The following EYA1 variants were observed in gnomAD, a reference collection of about 807,000 sequenced individuals.
EYA1 encodes the protein EYA transcriptional coactivator and phosphatase 1.
Under a neutral mutation model 82.0 loss-of-function variants are expected in EYA1, and 16 were observed. That is an observed-to-expected ratio of 0.20 (90% CI 0.13 to 0.30). EYA1 has a LOEUF of 0.30. Among genes scored for constraint, EYA1 ranks in the 10% least tolerant of loss-of-function variants. The pLI is 1.00. For missense variants in EYA1, 633 were observed against 730.7 expected, an observed-to-expected ratio of 0.87 and a Z score of 1.54; for synonymous variants, 261 against 264.4, an observed-to-expected ratio of 0.99 and a Z score of 0.12.
intron 2 of EYA1, among the ~76,000 whole-genome samples, chr8:71,478,607 G>A (rs541303384): frequency 1.1e-3 from 164 of 152,256 alleles, no homozygotes; most frequent in African/African-American, 3.8e-3. Flanking sequence ...CAGAAATGGT[G>A]CTAGCAAGAG....
chr8:71,495,782 A>T (rs921379155), intron 2 of EYA1, among the ~76,000 whole-genome samples: 1 of 152,186 alleles, frequency 6.6e-6, no homozygotes, highest in Non-Finnish European at 1.5e-5. Flanking sequence ...ATAAAAACAC[A>T]CATGATTCAG....
Position 71,546,264 on chromosome 8 carries a change from G to A in EYA1, c.-73+1600C>T, listed in dbSNP as rs142660438. Reference sequence around the variant, plus strand: ...ATCACAATTGTCCATCAGACTGCTTGCTCTTTCAATGCAGAAACAATTTTT... The same window carrying A: ...ATCACAATTGTCCATCAGACTGCTTACTCTTTCAATGCAGAAACAATTTTT... On this transcript the variant is annotated intron_variant, in intron 1 of 18. Coordinates refer to the EYA1 transcript ENST00000643681. 5.9e-5 allele frequency among the ~76,000 whole-genome samples: 9 copies of A among 152,256 alleles called. No homozygotes were observed. The East Asian group carries it at 1.8e-3, about 30-fold the overall frequency.
intron 12 of EYA1, among the ~76,000 whole-genome samples, chr8:71,226,171 A>G (rs542942861): frequency 4.5e-4 from 69 of 152,212 alleles, no homozygotes; most frequent in African/African-American, 1.6e-3. Context: ...GGATGCCCAA[A>G]CTTATTAATA....
At chr8:71,488,135 T>C (rs898768817) in intron 2 of EYA1, among the ~76,000 whole-genome samples, 3 of 151,990 alleles carry the variant, frequency 2.0e-5, no homozygotes, top group African/African-American at 7.3e-5. Flanking sequence ...GAATACTGCA[T>C]AGCAATGTAA....
chr8:71,479,103 C>A (rs1275149656), intron 2 of EYA1, among the ~76,000 whole-genome samples: 2 of 152,138 alleles, frequency 1.3e-5, no homozygotes, highest in Non-Finnish European at 2.9e-5. Flanking sequence ...ACACCACACC[C>A]TTTACCTCTC....
chr8:71,276,665 G>A (rs1459567560), intron 9 of EYA1, among the ~76,000 whole-genome samples: 1 of 152,110 alleles, frequency 6.6e-6, no homozygotes, highest in Non-Finnish European at 1.5e-5. Flanking sequence ...CTATTTCCAG[G>A]ATCGATAGGC....
chr8:71,497,117 G>A (rs557500170), intron 2 of EYA1, among the ~76,000 whole-genome samples: 1 of 152,188 alleles, frequency 6.6e-6, no homozygotes, highest in Non-Finnish European at 1.5e-5. Context: ...TAAAGCTGGG[G>A]TGTCCAATCT....
chr8:71,413,068 T>TACACTCAC (rs1830691397), intron 2 of EYA1, among the ~76,000 whole-genome samples: 1 of 152,138 alleles, frequency 6.6e-6, no homozygotes, highest in Non-Finnish European at 1.5e-5. Flanking sequence ...GTGCCATAGT[T>TACACTCAC]TAACTGTATG....
chr8:71,383,219 A>T (rs1056013705), intron 2 of EYA1, among the ~76,000 whole-genome samples: 1 of 152,086 alleles, frequency 6.6e-6, no homozygotes, highest in African/African-American at 2.4e-5. Flanking sequence ...AAATGTTGGC[A>T]AAGTTGGAGC....
chr8:71,524,257 A>G (rs1360894204), intron 2 of EYA1, among the ~76,000 whole-genome samples: 1 of 152,244 alleles, frequency 6.6e-6, no homozygotes, highest in Admixed American at 6.5e-5. Context: ...CTAGGTAATC[A>G]TGGTATTGTG....
chr8:71,492,091 C>G (rs1811042035), intron 2 of EYA1, among the ~76,000 whole-genome samples: 1 of 152,106 alleles, frequency 6.6e-6, no homozygotes, highest in East Asian at 1.9e-4. Flanking sequence ...GGTGTCGATG[C>G]CAGTCCATTA....
rs1174182294 is a variant in EYA1 at position 71,476,973 on chromosome 8, G to A, written c.33+58771C>T. On this transcript the variant is annotated intron_variant, in intron 2 of 18. Coordinates refer to the EYA1 transcript ENST00000643681. Reference sequence around the variant, plus strand: ...CAAAAGTGACAAGACCATTCAACAGGGAAAGAATAGTCTTTTCAACAAATA... The same window carrying A: ...CAAAAGTGACAAGACCATTCAACAGAGAAAGAATAGTCTTTTCAACAAATA... Among the ~76,000 whole-genome samples the A allele has an allele frequency of 2.6e-5, 4 of 151,670 alleles. No individual in the cohort carries two copies. The South Asian group carries it at 8.3e-4, about 32-fold the overall frequency.
intron 4 of EYA1, among the ~76,000 whole-genome samples, chr8:71,331,489 T>TATA (rs138509009): frequency 4.1e-5 from 6 of 146,858 alleles, no homozygotes; most frequent in East Asian, 4.0e-4. Context: ...TATAAATGTT[T>TATA]TATATATATA....
At chr8:71,359,656 T>A (rs1275912025) in intron 1 of EYA1, among the ~76,000 whole-genome samples, 3 of 152,202 alleles carry the variant, frequency 2.0e-5, no homozygotes, top group African/African-American at 7.2e-5. Flanking sequence ...AAAATGTAGG[T>A]ACTTGTCTAA....
intron 2 of EYA1, among the ~76,000 whole-genome samples, chr8:71,459,276 G>A (rs548806879): frequency 4.6e-5 from 7 of 152,222 alleles, no homozygotes; most frequent in East Asian, 1.9e-4. Flanking sequence ...TTTTATTTGC[G>A]GTTCTCACTT....
Position 71,447,874 on chromosome 8 carries a change from A to C in EYA1, c.33+87870T>G, listed in dbSNP as rs1318756056. On this transcript the variant is annotated intron_variant, in intron 2 of 18. Transcript: ENST00000643681. Reference sequence around the variant, plus strand: ...CAATGTTGATGGCTACTGACTGATCAGGATGGAGGTTGCTGAAGGTTGGGA... The same window carrying C: ...CAATGTTGATGGCTACTGACTGATCCGGATGGAGGTTGCTGAAGGTTGGGA... 2.0e-5 allele frequency among the ~76,000 whole-genome samples: 3 copies of C among 152,326 alleles called. No individual in the cohort carries two copies. The East Asian group carries it at 5.8e-4, about 29-fold the overall frequency.
chr8:71,469,929 G>T (rs1396896237), intron 2 of EYA1, among the ~76,000 whole-genome samples: 1 of 152,000 alleles, frequency 6.6e-6, no homozygotes, highest in African/African-American at 2.4e-5. Context: ...CTAAAGTGAG[G>T]GTCCCTGAAT....
chr8:71,340,568 C>T (rs895623840), intron 3 of EYA1, among the ~76,000 whole-genome samples: 1 of 152,142 alleles, frequency 6.6e-6, no homozygotes, highest in Admixed American at 6.5e-5. Flanking sequence ...CTTCAAGGTT[C>T]AACTAAAATC....
At chr8:71,397,383 T>A (rs188722101) in intron 2 of EYA1, among the ~76,000 whole-genome samples, 5 of 152,084 alleles carry the variant, frequency 3.3e-5, no homozygotes, top group Admixed American at 6.5e-5. Context: ...CTTCCTAGCA[T>A]CGATGGTCTT....
Sources: allele counts gnomAD v4.1 joint callset (sites outside exome capture counted in the v4.1 genomes callset), GRCh38; gene constraint gnomAD v4.1.1; transcripts MANE v1.5; gene names NCBI Gene and HGNC (gene_info 2026-07-23, HGNC 2026-07-21).